Variants in IMMP2L observed in about 807,000 individuals in gnomAD.
IMMP2L encodes inner mitochondrial membrane peptidase subunit 2, also known as mitochondrial inner membrane protease subunit 2.
In IMMP2L, 18 loss-of-function variants were observed where a neutral mutation model predicts 19.3. That is an observed-to-expected ratio of 0.93 (90% CI 0.64 to 1.38). IMMP2L has a LOEUF of 1.38. Ranked by LOEUF, IMMP2L falls within the 40% of genes most tolerant of loss-of-function variation. The pLI is 0.00. For missense variants in IMMP2L, 233 were observed against 218.2 expected, an observed-to-expected ratio of 1.07 and a Z score of -0.43; for synonymous variants, 76 against 73.0, an observed-to-expected ratio of 1.04 and a Z score of -0.21.
intron 5 of IMMP2L, among the ~76,000 whole-genome samples, chr7:110,665,653 T>C (rs1791398315): frequency 6.6e-6 from 1 of 152,212 alleles, no homozygotes; most frequent in Non-Finnish European, 1.5e-5. Context: ...CTGGAATTGC[T>C]TGATTTTTTT....
chr7:110,936,727 T>G (rs1365104465), intron 4 of IMMP2L, among the ~76,000 whole-genome samples: 1 of 152,032 alleles, frequency 6.6e-6, no homozygotes, highest in African/African-American at 2.4e-5. Context: ...TATAGATCAT[T>G]CTACTATAAA....
intron 3 of IMMP2L, among the ~76,000 whole-genome samples, chr7:111,048,634 A>G (rs1792684539): frequency 6.6e-6 from 1 of 152,230 alleles, no homozygotes; most frequent in South Asian, 2.1e-4. Flanking sequence ...TAAGTCAACA[A>G]GCAAAATAAC....
intron 3 of IMMP2L, among the ~76,000 whole-genome samples, chr7:111,429,393 G>A (rs547383343): frequency 1.1e-4 from 16 of 152,004 alleles, no homozygotes; most frequent in African/African-American, 3.6e-4. Flanking sequence ...TGAGTGAAAA[G>A]TATGATGCCT....
intron 1 of IMMP2L, among the ~76,000 whole-genome samples, chr7:111,560,586 A>T (rs1791925627): frequency 6.6e-6 from 1 of 152,214 alleles, no homozygotes; most frequent in South Asian, 2.1e-4. Context: ...TTCTCCCACA[A>T]CACTGTATAG....
At chr7:110,778,340 T>C (rs115199942) in intron 5 of IMMP2L, among the ~76,000 whole-genome samples, 2,350 of 152,082 alleles carry the variant, frequency 0.015, 48 homozygotes, top group African/African-American at 0.049. Context: ...ATTCAGAATT[T>C]TGTCTTCAAC....
chr7:111,081,758 T>C (rs753407866), intron 3 of IMMP2L, among the ~76,000 whole-genome samples: 3 of 152,194 alleles, frequency 2.0e-5, no homozygotes, highest in Non-Finnish European at 2.9e-5. Flanking sequence ...ACTTTCTATA[T>C]GGGTGTAGAG....
At chr7:111,260,928 T>C (rs1448150581) in intron 3 of IMMP2L, among the ~76,000 whole-genome samples, 2 of 152,014 alleles carry the variant, frequency 1.3e-5, no homozygotes, top group Non-Finnish European at 2.9e-5. Flanking sequence ...CTATTCTTGA[T>C]TACAGCGTAA....
intron 3 of IMMP2L, among the ~76,000 whole-genome samples, chr7:111,333,857 A>T (rs562645864): frequency 6.6e-6 from 1 of 152,158 alleles, no homozygotes; most frequent in South Asian, 2.1e-4. Flanking sequence ...CAGATGGCCT[A>T]TTGTGGGACC....
intron 3 of IMMP2L, among the ~76,000 whole-genome samples, chr7:111,106,122 A>G (rs1474953799): frequency 3.3e-5 from 5 of 152,002 alleles, no homozygotes; most frequent in Non-Finnish European, 7.4e-5. Context: ...TAATACCAAC[A>G]TTGGTGCACA....
At chr7:110,814,002 T>C (rs2131287574) in intron 5 of IMMP2L, among the ~76,000 whole-genome samples, 1 of 152,150 alleles carries the variant, frequency 6.6e-6, no homozygotes, top group Non-Finnish European at 1.5e-5. Flanking sequence ...AGGCTATTTT[T>C]TTAACGCTTA....
intron 2 of IMMP2L, among the ~76,000 whole-genome samples, chr7:111,504,994 C>T (rs1844728108): frequency 6.6e-6 from 1 of 152,076 alleles, no homozygotes; most frequent in Non-Finnish European, 1.5e-5. Flanking sequence ...AACTAAAGAG[C>T]TTCTGCACAG....
chr7:111,155,735 T>C (rs1331922967), intron 3 of IMMP2L, among the ~76,000 whole-genome samples: 1 of 152,056 alleles, frequency 6.6e-6, no homozygotes, highest in East Asian at 1.9e-4. Context: ...TAATATATAC[T>C]TTTAAAAACT....
intron 5 of IMMP2L, among the ~76,000 whole-genome samples, chr7:110,855,262 AAGTCCTACATGTTAG>A (rs1466997325): frequency 1.3e-5 from 2 of 152,018 alleles, no homozygotes; most frequent in Non-Finnish European, 1.5e-5. Context: ...ATACAACCTA[AAGTCCTACATGTTAG>A]AGTCCTACAT....
intron 3 of IMMP2L, among the ~76,000 whole-genome samples, chr7:111,241,724 A>AGT (rs1263160315): frequency 6.6e-6 from 1 of 151,214 alleles, no homozygotes; most frequent in Non-Finnish European, 1.5e-5. Context: ...ATAAGTATAA[A>AGT]GTGTGTATAT....
Position 110,706,278 on chromosome 7 carries a change from T to C in IMMP2L, c.409-42557A>G, listed in dbSNP as rs544070929. On this transcript the variant is annotated intron_variant, in intron 5 of 5. Transcript: ENST00000405709. The stretch of plus-strand genomic sequence containing the variant: ...CCACCATGCCCAGCTAATTTCCTTA[T>C]TATGTTGTAGAGATGAGGTCTAGCC... Among the ~76,000 whole-genome samples the C allele has an allele frequency of 2.0e-5, 3 of 152,148 alleles. No homozygotes were observed. In the South Asian group the frequency reaches 6.2e-4, roughly 32 times the overall value.
chr7:111,139,867 A>G (rs557007043), intron 3 of IMMP2L, among the ~76,000 whole-genome samples: 130 of 152,264 alleles, frequency 8.5e-4, no homozygotes, highest in African/African-American at 3.1e-3. Context: ...AACTAGGATA[A>G]TTCTTTCTCT....
intron 1 of IMMP2L, among the ~76,000 whole-genome samples, chr7:111,551,667 G>A (rs1281676650): frequency 6.6e-6 from 1 of 151,910 alleles, no homozygotes; most frequent in Admixed American, 6.6e-5. Flanking sequence ...GCTCAAAGAT[G>A]GTTCTGGCAG....
chr7:111,250,214 T>A lies in IMMP2L; in HGVS notation c.239+237024A>T, dbSNP rs932506489. Among the ~76,000 whole-genome samples, 14 of 152,078 alleles carry A rather than the reference T, an allele frequency of 9.2e-5. No individual in the cohort carries two copies. In the South Asian group the frequency reaches 2.9e-3, roughly 32 times the overall value. On this transcript the variant is annotated intron_variant, in intron 3 of 5. Coordinates refer to ENST00000405709, the MANE Select transcript of IMMP2L (RefSeq NM_032549.4). ...CAGCTAACAAGAAAAGTGAAGGACCTCTTCAAGGAGAACTACAAACCACTG... is the reference window on the plus strand; with the variant it reads ...CAGCTAACAAGAAAAGTGAAGGACCACTTCAAGGAGAACTACAAACCACTG...
chr7:110,737,743 G>A (rs1374437477), intron 5 of IMMP2L, among the ~76,000 whole-genome samples: 1 of 152,154 alleles, frequency 6.6e-6, no homozygotes, highest in Admixed American at 6.5e-5. Context: ...CTGGCTGAAG[G>A]CCAACCAACA....
Sources: gnomAD v4.1 joint callset for allele counts (sites outside exome capture counted in the v4.1 genomes callset) on GRCh38, gnomAD v4.1.1 for gene constraint, MANE v1.5 for transcripts, NCBI Gene and HGNC (gene_info 2026-07-23, HGNC 2026-07-21) for gene names.